ASPG: variants seen among roughly 807,000 people sequenced by gnomAD.
The protein encoded by ASPG is 60 kDa lysophospholipase.
ASPG carries 53 observed loss-of-function variants against 63.2 expected under a neutral mutation model. The ratio of observed to expected loss-of-function variants is 0.84; its 90% CI spans 0.67 to 1.05. The LOEUF is 1.05. Ranked by LOEUF, ASPG falls within the 50% of genes least tolerant of loss-of-function variation. ASPG has a pLI of 0.00. For missense variants in ASPG, 741 were observed against 794.4 expected, an observed-to-expected ratio of 0.93 and a Z score of 0.81; for synonymous variants, 370 against 355.0, an observed-to-expected ratio of 1.04 and a Z score of -0.48.
At chr14:104,097,473 G>T in intron 4 of ASPG, 81 bp from the exon 5 acceptor site, 1 of 1,389,144 alleles carries the variant, frequency 7.2e-7, no homozygotes, top group South Asian at 1.3e-5. Context: ...CTGGGCCTGG[G>T]GGTTTACCTG....
At chr14:104,087,681 C>T (rs866115803) in intron 1 of ASPG, among the ~76,000 whole-genome samples, 11 of 152,210 alleles carry the variant, frequency 7.2e-5, no homozygotes, top group Non-Finnish European at 8.8e-5. Flanking sequence ...CCCCTTCAGG[C>T]TTGGAGTGTG....
chr14:104,089,552 C>T (rs2036306277), intron 1 of ASPG, among the ~76,000 whole-genome samples: 1 of 152,002 alleles, frequency 6.6e-6, no homozygotes, highest in Non-Finnish European at 1.5e-5. Flanking sequence ...CACTACATAC[C>T]TGTTAGAATG....
chr14:104,110,905 A>C lies in ASPG; in HGVS notation c.1521-597A>C. 1 of 985,334 alleles carries C rather than the reference A, an allele frequency of 1.0e-6. No homozygotes were observed. Among genetic ancestry groups the C allele is most frequent in the South Asian group, 4.7e-5 (1 of 21,282 alleles). 61.0% of individuals were successfully genotyped at this position (985,334 alleles called of 1,614,324 possible). ...GGGCCTGGCAGGTGCTCCCCACTCC[A>C]GGGCAGGTGGGCCCAGACCCCTGTC... On this transcript the variant is annotated intron_variant, in intron 13 of 15. Coordinates refer to ENST00000551177, the MANE Select transcript of ASPG (RefSeq NM_001080464.3). The surrounding 1 kb of genome is among the most constrained non-coding windows in gnomAD (Gnocchi z 4.7).
In ASPG at chr14:104,109,235, G is replaced by A. The variant is rs764590747; in HGVS notation, c.1440G>A (p.Pro480=). Residue 480 remains proline, a synonymous_variant, in exon 13 of 16, where the codon CCG becomes CCA. Transcript: ENST00000551177. The surrounding 1 kb of genome is among the most constrained non-coding windows in gnomAD (Gnocchi z 4.8). ...PLLLAVRGRH[P]GVIGLLREAG... ...CATGCTCATTCTCACACAGGCATCC[G>A]GGTGTCATTGGGTTGCTGCGGGAAG... is the stretch of plus-strand genomic sequence containing the variant. The A allele has an allele frequency of 3.2e-5, 52 of 1,613,208 alleles. No homozygotes were observed. Among genetic ancestry groups the A allele is most frequent in the South Asian group, 5.5e-5 (5 of 90,904 alleles).
chr14:104,096,783 C>T (rs1213424250), intron 4 of ASPG, among the ~76,000 whole-genome samples: 2 of 152,186 alleles, frequency 1.3e-5, no homozygotes, highest in Non-Finnish European at 1.5e-5. Flanking sequence ...CCCACAGCCA[C>T]GTACCACGTG....
chr14:104,086,587 G>A (rs2036227193), intron 1 of ASPG, among the ~76,000 whole-genome samples: 1 of 152,110 alleles, frequency 6.6e-6, no homozygotes, highest in Non-Finnish European at 1.5e-5. Flanking sequence ...GATGGGGAGA[G>A]GACGGTTGCA....
rs1438486923 is a variant in ASPG at position 104,109,692 on chromosome 14, G to T, written c.1520+377G>T. Among the ~76,000 whole-genome samples, 1 of 149,608 alleles carries T rather than the reference G, an allele frequency of 6.7e-6. No homozygotes were observed. Among genetic ancestry groups the T allele is most frequent in the Non-Finnish European group, 1.5e-5 (1 of 67,442 alleles). On this transcript the variant is annotated intron_variant, in intron 13 of 15. Coordinates refer to ENST00000551177, the MANE Select transcript of ASPG (RefSeq NM_001080464.3). The surrounding 1 kb of genome is among the most constrained non-coding windows in gnomAD (Gnocchi z 4.8). ...TGTGGACTGGGGGGTGGCTGGGGCTGCATTTGGGGAGGTTGGGGCAGGTGG... is the reference window on the plus strand; with the variant it reads ...TGTGGACTGGGGGGTGGCTGGGGCTTCATTTGGGGAGGTTGGGGCAGGTGG...
chr14:104,104,028 C>G (rs537166239), intron 7 of ASPG, among the ~76,000 whole-genome samples: 1 of 152,246 alleles, frequency 6.6e-6, no homozygotes, highest in East Asian at 1.9e-4. Flanking sequence ...TTCTTGGCTC[C>G]TCTCCCACCT....
At chr14:104,095,451 G>T (rs2140995648) in intron 3 of ASPG, 80 bp from the exon 4 acceptor site, 3 of 1,591,570 alleles carry the variant, frequency 1.9e-6, no homozygotes, top group African/African-American at 2.7e-5. Flanking sequence ...TCTGCATCCG[G>T]ACCCTTTCCC....
chr14:104,107,054 C>A, intron 11 of ASPG, 128 bp from the exon 12 acceptor site: 1 of 1,359,576 alleles, frequency 7.4e-7, no homozygotes, highest in Non-Finnish European at 9.9e-7. Context: ...TCAGGTCTCA[C>A]TGAGGCTTTG....
Position 104,092,756 on chromosome 14 carries a change from C to T in ASPG, c.191+15C>T, listed in dbSNP as rs1393079937. On this transcript the variant is annotated intron_variant, in intron 2 of 15. Transcript: ENST00000551177. ...CTGGTGCTACCGTGAGTGTGGGCTC[C>T]TCCCAGTCCCGGACAGGGCATGGCT... 2.0e-6 allele frequency: 3 copies of T among 1,531,388 alleles called. No homozygotes were observed. Among genetic ancestry groups the T allele is most frequent in the Non-Finnish European group, 2.6e-6 (3 of 1,143,186 alleles). The allele number at this position is 1,531,388 out of a possible 1,614,324, so 94.9% of individuals were successfully genotyped here.
chr14:104,095,785 T>A, intron 4 of ASPG, 129 bp downstream of exon 4: 3 of 1,264,884 alleles, frequency 2.4e-6, no homozygotes, highest in Non-Finnish European at 3.3e-6. Context: ...AGGTGGCTGC[T>A]GCAGGGCCCG....
At position 104,111,613 on chromosome 14, in the gene ASPG, C is replaced by G. The variant is rs1229847192; in HGVS notation, c.1620+12C>G. On this transcript the variant is annotated intron_variant, in intron 14 of 15. Coordinates refer to ENST00000551177, the MANE Select transcript of ASPG (RefSeq NM_001080464.3). ...GCGCCCTGCACGTCGTGAGTGCCCC[C>G]ACCCCCTGCACCCTCTCCAAAGGCT... The G allele has an allele frequency of 1.6e-5, 24 of 1,545,568 alleles. No individual in the cohort carries two copies. Among genetic ancestry groups the G allele is most frequent in the Non-Finnish European group, 1.9e-5 (22 of 1,144,032 alleles).
chr14:104,112,071 G>T (rs1216464505), intron 15 of ASPG, 71 bp downstream of exon 15: 6 of 1,421,574 alleles, frequency 4.2e-6, no homozygotes, highest in Non-Finnish European at 5.8e-6. Context: ...TCCTGGCTCG[G>T]GGGGGCGTAA....
In ASPG at chr14:104,110,489, A is replaced by G; in HGVS notation, c.1521-1013A>G. 2.0e-6 allele frequency: 2 copies of G among 985,310 alleles called. No homozygotes were observed. Among genetic ancestry groups the G allele is most frequent in the Non-Finnish European group, 2.4e-6 (2 of 829,874 alleles). The allele number at this position is 985,310 out of a possible 1,614,324, so 61.0% of individuals were successfully genotyped here. A position where few individuals can be genotyped will look rare whatever the true frequency, so the allele number is the denominator to read the frequency against. Reference sequence around the variant, plus strand: ...GGAGCTGGGACCAGAACCCTGGTCCAGGACTCTGCTTGGAAGTGGCCTGGC... The same window carrying G: ...GGAGCTGGGACCAGAACCCTGGTCCGGGACTCTGCTTGGAAGTGGCCTGGC... On this transcript the variant is annotated intron_variant, in intron 13 of 15. Coordinates refer to ENST00000551177, the MANE Select transcript of ASPG (RefSeq NM_001080464.3). The surrounding 1 kb of genome is among the most constrained non-coding windows in gnomAD (Gnocchi z 4.7).
chr14:104,103,606 G>A lies in ASPG; in HGVS notation c.684G>A (p.Leu228=). The change falls in exon 7 of 16, where the codon CTG becomes CTA. Residue 228 remains leucine (L), a synonymous_variant. Coordinates refer to ENST00000551177, the MANE Select transcript of ASPG (RefSeq NM_001080464.3). ...LVRKVDGKAG[L]VVHSSMEQDV... ...GGAAGGTGGACGGGAAGGCTGGGCT[G>A]GTGGTGCACAGCAGCATGGAGCAGG... 6.5e-7 allele frequency: 1 copy of A among 1,548,178 alleles called. No individual in the cohort carries two copies. The highest frequency in any genetic ancestry group is 8.7e-7 in the Non-Finnish European group (1 of 1,146,772).
chr14:104,096,326 G>A lies in ASPG; in HGVS notation c.429+670G>A, dbSNP rs142728602. Reference sequence around the variant, plus strand: ...ACGGCTGAGGCTAAGGTCTTGTATGGGAAACCGGTACCTGTGTCCCTTTGA... The same window carrying A: ...ACGGCTGAGGCTAAGGTCTTGTATGAGAAACCGGTACCTGTGTCCCTTTGA... On this transcript the variant is annotated intron_variant, in intron 4 of 15. Coordinates refer to ENST00000551177, the MANE Select transcript of ASPG (RefSeq NM_001080464.3). Among the ~76,000 whole-genome samples the A allele has an allele frequency of 1.6e-4, 24 of 152,298 alleles. No homozygotes were observed. In the East Asian group the frequency reaches 3.7e-3, roughly 23 times the overall value.
chr14:104,095,542 G>T lies in ASPG; in HGVS notation c.315G>T (p.Glu105Asp), dbSNP rs369466318. The change falls in exon 4 of 16, where the codon GAG becomes GAT. Residue 105 changes from glutamate (E) to aspartate (D), a missense_variant. Glu to Asp is a conservative substitution (Grantham distance 45). Transcript: ENST00000551177. ...CGCCCCTCCTGCAGAGGCACTACGAGCAGTACCACGGCTTTGTGGTCATCC... is the reference window on the plus strand; with the variant it reads ...CGCCCCTCCTGCAGAGGCACTACGATCAGTACCACGGCTTTGTGGTCATCC... ...CLAQTIKRHY[E>D]QYHGFVVIHG... The T allele has an allele frequency of 2.3e-5, 37 of 1,612,864 alleles. No homozygotes were observed. The highest frequency in any genetic ancestry group is 3.1e-5 in the Non-Finnish European group (37 of 1,179,768).
At chr14:104,109,000 C>CCT in intron 12 of ASPG, 1 of 985,384 alleles carries the variant, frequency 1.0e-6, no homozygotes, top group Non-Finnish European at 1.2e-6. Context: ...CTCAGCTGCC[C>CCT]TAAGAAGGAG....
Sources: allele counts gnomAD v4.1 joint callset (sites outside exome capture counted in the v4.1 genomes callset), GRCh38; gene constraint gnomAD v4.1.1; non-coding constraint Gnocchi (gnomAD v3.1); transcripts MANE v1.5; gene names NCBI Gene and HGNC (gene_info 2026-07-23, HGNC 2026-07-21).